The following PTPRC variants were observed in gnomAD, a reference collection of about 807,000 sequenced individuals.
PTPRC encodes the protein protein tyrosine phosphatase receptor type C.
A neutral mutation model predicts 155.9 loss-of-function variants in PTPRC; 44 were observed. The ratio of observed to expected loss-of-function variants is 0.28; its 90% CI spans 0.22 to 0.36. The LOEUF (loss-of-function observed/expected upper bound fraction) is 0.36, where lower values mean the gene tolerates loss of function less well. Ranked by LOEUF, PTPRC falls within the 10% of genes least tolerant of loss-of-function variation. PTPRC has a pLI of 1.00. For synonymous variants in PTPRC, 525 were observed against 533.1 expected, an observed-to-expected ratio of 0.98 and a Z score of 0.21; for missense variants, 1,401 against 1,564.6, an observed-to-expected ratio of 0.90 and a Z score of 1.76.
chr1:198,705,054 C>A (rs1167871171), intron 8 of PTPRC, among the ~76,000 whole-genome samples: 3 of 151,998 alleles, frequency 2.0e-5, no homozygotes, highest in Non-Finnish European at 2.9e-5. Flanking sequence ...CTCTCTTTTT[C>A]TCTCTCTTTC....
rs765211528 is a variant in PTPRC at position 198,729,170 on chromosome 1, G to A, written c.1863G>A (p.Arg621=). The A allele has an allele frequency of 5.3e-5, 85 of 1,608,696 alleles. No homozygotes were observed. The highest frequency in any genetic ancestry group is 7.1e-5 in the Non-Finnish European group (83 of 1,177,214). ...ATGAACAGCAGGAGCTTGTTGAAAG[G>A]GGTAAGTATGTATATTTTTGCTGAT... ...NLDEQQELVE[R]DDEKQLMNVE... Residue 621 remains arginine (R), a splice_region_variant and synonymous_variant, in exon 17 of 33, where the codon AGG becomes AGA. Transcript: ENST00000442510.
intron 5 of PTPRC, among the ~76,000 whole-genome samples, chr1:198,701,037 A>G (rs944996142): frequency 6.6e-6 from 1 of 152,264 alleles, no homozygotes; most frequent in African/African-American, 2.4e-5. Flanking sequence ...GGCCAGTTCT[A>G]TGTCTGAATG....
intron 7 of PTPRC, chr1:198,703,711 C>T (rs531709009): frequency 1.3e-4 from 44 of 339,856 alleles, no homozygotes; most frequent in East Asian, 4.4e-4. Context: ...GAGCATCAGA[C>T]GGCTGATGGC....
At chr1:198,683,044 ACAGT>A (rs1370426208) in intron 2 of PTPRC, among the ~76,000 whole-genome samples, 3 of 152,180 alleles carry the variant, frequency 2.0e-5, no homozygotes, top group South Asian at 2.1e-4. Flanking sequence ...GGGGGTTTTT[ACAGT>A]CAGACAGATC....
At chr1:198,660,324 T>C (rs1663884492) in intron 2 of PTPRC, among the ~76,000 whole-genome samples, 1 of 152,086 alleles carries the variant, frequency 6.6e-6, no homozygotes. Context: ...TTTACTGTGT[T>C]CAGGGTTTTA....
chr1:198,736,555 A>G (rs1405965855), intron 23 of PTPRC, among the ~76,000 whole-genome samples: 1 of 151,698 alleles, frequency 6.6e-6, no homozygotes, highest in Admixed American at 6.6e-5. Context: ...TTCATTGTAT[A>G]TATGTACTAC....
At chr1:198,741,323 T>G (rs1202935219) in intron 23 of PTPRC, among the ~76,000 whole-genome samples, 1 of 151,916 alleles carries the variant, frequency 6.6e-6, no homozygotes, top group Non-Finnish European at 1.5e-5. Context: ...CTCTACATTC[T>G]GTGTTGACAA....
Position 198,702,402 on chromosome 1 carries a change from G to A in PTPRC, c.455G>A (p.Arg152Lys). 1 of 1,614,190 alleles carries A rather than the reference G, an allele frequency of 6.2e-7. No homozygotes were observed. Among genetic ancestry groups the A allele is most frequent in the South Asian group, 1.1e-5 (1 of 91,082 alleles). The stretch of plus-strand genomic sequence containing the variant: ...CTGATTGCAGATGTCCCAGGAGAGA[G>A]GAGTACAGCCAGCACCTTTCCTACA... ...SNAISDVPGE[R>K]STASTFPTDP... The change falls in exon 6 of 33, where the codon AGG becomes AAG. Residue 152 changes from arginine to lysine, a missense_variant. Arg to Lys is a conservative substitution (Grantham distance 26). Transcript: ENST00000442510.
intron 2 of PTPRC, among the ~76,000 whole-genome samples, chr1:198,661,432 C>G (rs2359946): frequency 0.35 from 53,338 of 150,988 alleles, 9,997 homozygotes; most frequent in East Asian, 0.68. Context: ...TGCATTTTTA[C>G]AAATCTTTTA....
intron 23 of PTPRC, among the ~76,000 whole-genome samples, chr1:198,738,060 A>C (rs1654729968): frequency 6.6e-6 from 1 of 151,652 alleles, no homozygotes; most frequent in Admixed American, 6.6e-5. Context: ...TTTTTGGTGG[A>C]GTATTTAGGT....
At chr1:198,730,180 C>G (rs1376001273) in intron 17 of PTPRC, among the ~76,000 whole-genome samples, 3 of 152,014 alleles carry the variant, frequency 2.0e-5, no homozygotes, top group Non-Finnish European at 2.9e-5. Context: ...CTTTCTCATG[C>G]TTAAGACAGG....
intron 2 of PTPRC, among the ~76,000 whole-genome samples, chr1:198,658,849 A>C (rs1663758520): frequency 6.6e-6 from 1 of 152,060 alleles, no homozygotes; most frequent in Non-Finnish European, 1.5e-5. Flanking sequence ...AAATCCAGCT[A>C]ACCCTTACCT....
At chr1:198,714,499 G>A (rs1010239559) in intron 12 of PTPRC, among the ~76,000 whole-genome samples, 1 of 152,096 alleles carries the variant, frequency 6.6e-6, no homozygotes, top group African/African-American at 2.4e-5. Flanking sequence ...CACTTAAACG[G>A]GATTGAATGG....
At chr1:198,752,014 G>A (rs1655405124) in intron 29 of PTPRC, among the ~76,000 whole-genome samples, 1 of 152,070 alleles carries the variant, frequency 6.6e-6, no homozygotes. Flanking sequence ...CAGTCACCTC[G>A]ATTGTGCTCA....
intron 4 of PTPRC, among the ~76,000 whole-genome samples, chr1:198,698,253 T>G (rs1666298622): frequency 6.6e-6 from 1 of 152,220 alleles, no homozygotes; most frequent in South Asian, 2.1e-4. Flanking sequence ...GGTTTAAAGT[T>G]GAATAGATTG....
chr1:198,692,869 A>G (rs1051240609), intron 3 of PTPRC: 1 of 894,988 alleles, frequency 1.1e-6, no homozygotes, highest in Non-Finnish European at 1.3e-6. Context: ...TTCAAATTCT[A>G]CTGAACACTT....
At position 198,756,688 on chromosome 1, in the gene PTPRC, TCTTATATAGTTTA is replaced by T. The variant is rs1655690132; in HGVS notation, c.*510_*522del. 6.5e-6 allele frequency: 1 copy of T among 154,518 alleles called. No homozygotes were observed. The highest frequency in any genetic ancestry group is 2.0e-4 in the South Asian group (1 of 5,128). 9.6% of individuals were successfully genotyped at this position (154,518 alleles called of 1,614,324 possible). ...TCCTTGTTCTACTCATATATATCTA[TCTTATATAGTTTA>T]CTATTTTACTTCTAGAGATAGTACA... On this transcript the variant is annotated 3_prime_UTR_variant, in exon 33 of 33. Coordinates refer to ENST00000442510, the MANE Select transcript of PTPRC (RefSeq NM_002838.5).
At chr1:198,707,160 C>A (rs1334501365) in intron 9 of PTPRC, among the ~76,000 whole-genome samples, 3 of 152,150 alleles carry the variant, frequency 2.0e-5, no homozygotes, top group Non-Finnish European at 2.9e-5. Context: ...ATCCATTAAT[C>A]ACCACTTCTA....
chr1:198,704,774 C>T (rs1197962076), intron 8 of PTPRC, among the ~76,000 whole-genome samples: 3 of 152,090 alleles, frequency 2.0e-5, no homozygotes, highest in East Asian at 1.9e-4. Context: ...ACTTGCTGGG[C>T]GTCGAATTCA....
Sources: allele counts gnomAD v4.1 joint callset (sites outside exome capture counted in the v4.1 genomes callset), GRCh38; gene constraint gnomAD v4.1.1; transcripts MANE v1.5; gene names NCBI Gene and HGNC (gene_info 2026-07-23, HGNC 2026-07-21).